MUC13: variants seen among roughly 807,000 people sequenced by gnomAD.
The protein encoded by MUC13 is mucin-13.
A neutral mutation model predicts 48.3 loss-of-function variants in MUC13; 32 were observed. The ratio of observed to expected loss-of-function variants is 0.66; its 90% CI spans 0.50 to 0.89. The LOEUF is 0.89. Among genes scored for constraint, MUC13 ranks in the 40% least tolerant of loss-of-function variants. The pLI is 0.00. For missense variants in MUC13, 571 were observed against 622.8 expected (o/e 0.92, Z 0.88); for synonymous variants, 199 against 224.9 (o/e 0.88, Z 1.03).
chr3:124,917,866 C>G (rs150812654), intron 5 of MUC13, among the ~76,000 whole-genome samples: 74 of 152,190 alleles, frequency 4.9e-4, no homozygotes, highest in African/African-American at 1.7e-3. Context: ...TAGCTTTGCA[C>G]TGGGACTAGG....
intron 6 of MUC13, among the ~76,000 whole-genome samples, chr3:124,914,931 T>C (rs1355843302): frequency 6.6e-6 from 1 of 151,142 alleles, no homozygotes; most frequent in Non-Finnish European, 1.5e-5. Flanking sequence ...GACAAACAAA[T>C]GAACAAACAA....
chr3:124,916,071 G>A (rs1459870901), intron 6 of MUC13, among the ~76,000 whole-genome samples: 1 of 152,178 alleles, frequency 6.6e-6, no homozygotes, highest in African/African-American at 2.4e-5. Context: ...GCAGTGGTTT[G>A]TCTGGTCATT....
At position 124,927,864 on chromosome 3, in the gene MUC13, G is replaced by C. The variant is rs1935724622; in HGVS notation, c.182C>G (p.Pro61Arg). 1.2e-6 allele frequency: 2 copies of C among 1,613,900 alleles called. No individual in the cohort carries two copies. Among genetic ancestry groups the C allele is most frequent in the Admixed American group, 1.7e-5 (1 of 59,990 alleles). ...AGGTGAAGTAGCTGTTGGGAAAGAA[G>C]GTGTATTTGCTGTGGTGCTAGCAGT... ...PETASTTANT[P>R]SFPTATSPAP... Residue 61 changes from proline (P) to arginine (R), a missense_variant, in exon 2 of 12, where the codon CCT (proline) becomes CGT (arginine). Coordinates refer to ENST00000616727, the MANE Select transcript of MUC13 (RefSeq NM_033049.4).
intron 1 of MUC13, among the ~76,000 whole-genome samples, chr3:124,930,747 A>G (rs944635350): frequency 6.6e-6 from 1 of 152,180 alleles, no homozygotes; most frequent in African/African-American, 2.4e-5. Flanking sequence ...CTTTATTCAA[A>G]GCTAGCTGAA....
chr3:124,922,580 C>T (rs1255633030), intron 3 of MUC13, among the ~76,000 whole-genome samples: 2 of 142,494 alleles, frequency 1.4e-5, no homozygotes, highest in African/African-American at 5.2e-5. Context: ...TTTTCCAAAT[C>T]GTTGCCTAGT....
At chr3:124,926,453 G>A (rs760551131) in intron 2 of MUC13, among the ~76,000 whole-genome samples, 1 of 152,176 alleles carries the variant, frequency 6.6e-6, no homozygotes, top group South Asian at 2.1e-4. Flanking sequence ...ATTGGATCCC[G>A]CCTTCAGAGT....
At chr3:124,917,254 T>C (rs1251277590) in intron 5 of MUC13, among the ~76,000 whole-genome samples, 1 of 152,150 alleles carries the variant, frequency 6.6e-6, no homozygotes. Context: ...GAAAAATGAC[T>C]TTTAAAAACA....
intron 1 of MUC13, among the ~76,000 whole-genome samples, chr3:124,930,037 G>A (rs1042899246): frequency 6.6e-6 from 1 of 152,212 alleles, no homozygotes; most frequent in Non-Finnish European, 1.5e-5. Context: ...CAGAAGAAAA[G>A]GACTTGGCAG....
At position 124,920,244 on chromosome 3, in the gene MUC13, G is replaced by C. The variant is rs780093106; in HGVS notation, c.790C>G (p.Leu264Val). The C allele has an allele frequency of 6.2e-7, 1 of 1,606,414 alleles. No individual in the cohort carries two copies. Among genetic ancestry groups the C allele is most frequent in the South Asian group, 1.1e-5 (1 of 89,710 alleles). Residue 264 changes from leucine to valine, a missense_variant, in exon 5 of 12, where the codon CTT becomes GTT. Leu to Val is a conservative substitution (Grantham distance 32). Coordinates refer to ENST00000616727, the MANE Select transcript of MUC13 (RefSeq NM_033049.4). ...GTSVYGQTVI[L>V]TVSTSLSPRS... ...CCATAACAAACTTACCTTACAGTAA[G>C]AATTACAGTCTGTCCATAAACAGAT... is the stretch of plus-strand genomic sequence containing the variant.
At chr3:124,927,453 C>A (rs1017614425) in intron 2 of MUC13, 79 bp downstream of exon 2, 1 of 1,393,906 alleles carries the variant, frequency 7.2e-7, no homozygotes. Flanking sequence ...TTTTCCTACC[C>A]CACCAGAACA....
intron 7 of MUC13, 90 bp downstream of exon 7, chr3:124,913,472 A>T: frequency 1.3e-6 from 2 of 1,588,330 alleles, no homozygotes; most frequent in South Asian, 1.1e-5. Context: ...TCTGAAATGC[A>T]TGTGGAAACT....
intron 9 of MUC13, among the ~76,000 whole-genome samples, chr3:124,910,784 G>A (rs908669359): frequency 6.6e-6 from 1 of 152,164 alleles, no homozygotes; most frequent in African/African-American, 2.4e-5. Context: ...GTGGGGAGTG[G>A]AGTATCAGCT....
chr3:124,905,510 CAAAT>C lies in MUC13; in HGVS notation c.*1229_*1232del, dbSNP rs1352590776. 2.0e-5 allele frequency: 3 copies of C among 151,360 alleles called. No homozygotes were observed. Among genetic ancestry groups the C allele is most frequent in the African/African-American group, 7.3e-5 (3 of 41,062 alleles). The allele number at this position is 151,360 out of a possible 1,614,324, so 9.4% of individuals were successfully genotyped here. ...AACAGTCAAGAACAAATAATAATAA[CAAAT>C]AAAATAACTTTTAAGAGGACAAGGC... On this transcript the variant is annotated 3_prime_UTR_variant, in exon 12 of 12. Coordinates refer to ENST00000616727, the MANE Select transcript of MUC13 (RefSeq NM_033049.4).
rs1205872012 is a variant in MUC13 at position 124,923,587 on chromosome 3, T to C, written c.577A>G (p.Asn193Asp). ...TCTAAACACAGGCAAAAACTTGTAT[T>C]ATGCAGCTTAACACATAACGAATTA... ...ADNSLCVKLH[N>D]TSFCLCLEGY... Residue 193 changes from asparagine to aspartate, a missense_variant, in exon 3 of 12, where the codon AAT (asparagine) becomes GAT (aspartate). Coordinates refer to ENST00000616727, the MANE Select transcript of MUC13 (RefSeq NM_033049.4). The C allele has an allele frequency of 1.2e-6, 2 of 1,614,062 alleles. No individual in the cohort carries two copies. Among genetic ancestry groups the C allele is most frequent in the Non-Finnish European group, 1.7e-6 (2 of 1,179,934 alleles).
intron 2 of MUC13, among the ~76,000 whole-genome samples, chr3:124,924,428 C>A (rs919080050): frequency 1.3e-5 from 2 of 152,132 alleles, no homozygotes; most frequent in African/African-American, 4.8e-5. Flanking sequence ...TCACTTCTGT[C>A]AAGTGGAATG....
intron 8 of MUC13, among the ~76,000 whole-genome samples, 164 bp downstream of exon 8, chr3:124,912,947 A>C (rs1457148050): frequency 2.0e-5 from 3 of 151,666 alleles, no homozygotes; most frequent in East Asian, 1.9e-4. Flanking sequence ...AAAAAAAAAA[A>C]AAAAAAAAAA....
At chr3:124,910,224 G>A (rs1467618843) in intron 10 of MUC13, among the ~76,000 whole-genome samples, 191 bp downstream of exon 10, 1 of 152,126 alleles carries the variant, frequency 6.6e-6, no homozygotes, top group Non-Finnish European at 1.5e-5. Context: ...CATGCTGGTG[G>A]TCCTGTGCCG....
chr3:124,908,010 C>T (rs928120083), intron 11 of MUC13, 137 bp downstream of exon 11: 4 of 815,226 alleles, frequency 4.9e-6, no homozygotes, highest in Admixed American at 2.9e-5. Context: ...TGATCTCTCT[C>T]TCTCTCTCTC....
Position 124,920,870 on chromosome 3 carries a change from G to A in MUC13, c.745-581C>T, listed in dbSNP as rs149529652. ...GCACATTTGAAAGCAGATCCAAGATGAGAGGGCAAGTCACTGCCAGCTGGC... is the reference window on the plus strand; with the variant it reads ...GCACATTTGAAAGCAGATCCAAGATAAGAGGGCAAGTCACTGCCAGCTGGC... On this transcript the variant is annotated intron_variant, in intron 4 of 11. Coordinates refer to ENST00000616727, the MANE Select transcript of MUC13 (RefSeq NM_033049.4). Among the ~76,000 whole-genome samples, 544 of 152,336 alleles carry A rather than the reference G, an allele frequency of 3.6e-3. 1 individual carries two copies. Among genetic ancestry groups the A allele is most frequent in the Middle Eastern group, 6.8e-3 (2 of 294 alleles).
Sources: allele counts gnomAD v4.1 joint callset (sites outside exome capture counted in the v4.1 genomes callset), GRCh38; gene constraint gnomAD v4.1.1; transcripts MANE v1.5; gene names NCBI Gene and HGNC (gene_info 2026-07-23, HGNC 2026-07-21).